The following GTF2IRD1 variants were observed in gnomAD, a reference collection of about 807,000 sequenced individuals.
GTF2IRD1 encodes GTF2I repeat domain containing 1.
A neutral mutation model predicts 113.2 loss-of-function variants in GTF2IRD1; 26 were observed. That is an observed-to-expected ratio of 0.23 (90% CI 0.17 to 0.32). GTF2IRD1 has a LOEUF of 0.32. Among genes scored for constraint, GTF2IRD1 ranks in the 10% least tolerant of loss-of-function variants. GTF2IRD1 has a pLI of 1.00. For missense variants in GTF2IRD1, 864 were observed against 1,280.8 expected (o/e 0.67, Z 4.97); for synonymous variants, 484 against 529.1 (o/e 0.91, Z 1.17).
intron 22 of GTF2IRD1, among the ~76,000 whole-genome samples, chr7:74,574,757 G>A (rs1800919317): frequency 1.3e-5 from 2 of 151,212 alleles, no homozygotes; most frequent in East Asian, 1.9e-4. Flanking sequence ...CACCGTGCCC[G>A]GCCTATGCTG....
At chr7:74,490,342 C>T (rs1795268352) in intron 1 of GTF2IRD1, among the ~76,000 whole-genome samples, 1 of 152,096 alleles carries the variant, frequency 6.6e-6, no homozygotes, top group Non-Finnish European at 1.5e-5. Context: ...CTCCCGCTGC[C>T]CAGCCCAGAG....
rs1554353080 is a variant in GTF2IRD1 at position 74,545,747 on chromosome 7, G to C, written c.1670G>C (p.Ser557Thr). The change falls in exon 16 of 27, where the codon AGC becomes ACC. Residue 557 changes from serine (S) to threonine (T), a missense_variant. This residue lies in a region of GTF2IRD1 where 218 missense variants were observed against 352.6 expected (regional missense o/e 0.62). Coordinates refer to ENST00000424337, the MANE Select transcript of GTF2IRD1 (RefSeq NM_005685.4). ...ARPEERPVED[S>T]HGDVIRPLRK... ...CAGACTGCCTTTTGCCTTCCAGACA[G>C]CCACGGTGACGTGATCCGGCCCCTG... 8 of 1,612,296 alleles carry C rather than the reference G, an allele frequency of 5.0e-6. No homozygotes were observed. In the South Asian group the frequency reaches 8.8e-5, roughly 18 times the overall value.
At chr7:74,530,889 C>T (rs1228241645) in intron 9 of GTF2IRD1, among the ~76,000 whole-genome samples, 1 of 152,010 alleles carries the variant, frequency 6.6e-6, no homozygotes, top group Admixed American at 6.6e-5. Context: ...GGCAACATGG[C>T]GAGACCCCAT....
At chr7:74,482,466 G>T (rs1794798996) in intron 1 of GTF2IRD1, among the ~76,000 whole-genome samples, 2 of 151,962 alleles carry the variant, frequency 1.3e-5, no homozygotes, top group Non-Finnish European at 2.9e-5. Context: ...GGGCTCAAGT[G>T]GTCCTCCTGC....
chr7:74,508,016 C>G (rs782568445), intron 1 of GTF2IRD1, 59 bp from the exon 2 acceptor site: 27 of 1,548,472 alleles, frequency 1.7e-5, no homozygotes, highest in Non-Finnish European at 2.3e-5. Context: ...TGGGCAGCCA[C>G]CATATGAGAC....
intron 16 of GTF2IRD1, among the ~76,000 whole-genome samples, chr7:74,546,222 T>TC (rs1406271281): frequency 1.4e-5 from 2 of 147,566 alleles, no homozygotes; most frequent in African/African-American, 2.5e-5. Context: ...GTTTTTCTTT[T>TC]TTTTTTTTTT....
At chr7:74,533,336 T>C (rs1798086789) in intron 9 of GTF2IRD1, among the ~76,000 whole-genome samples, 1 of 152,064 alleles carries the variant, frequency 6.6e-6, no homozygotes, top group Admixed American at 6.5e-5. Context: ...GGTTTCACCA[T>C]GTTGGCCAGG....
intron 15 of GTF2IRD1, 66 bp downstream of exon 15, chr7:74,544,868 C>A: frequency 2.3e-6 from 3 of 1,327,612 alleles, no homozygotes; most frequent in Non-Finnish European, 3.2e-6. Context: ...CCCTGCCGCC[C>A]ACCTCCCCTT....
intron 22 of GTF2IRD1, among the ~76,000 whole-genome samples, chr7:74,564,810 G>A (rs1168984654): frequency 2.6e-5 from 4 of 152,108 alleles, no homozygotes; most frequent in African/African-American, 7.2e-5. Flanking sequence ...AGGACATCAC[G>A]TTTGCCTTCA....
At position 74,589,861 on chromosome 7, in the gene GTF2IRD1, C is replaced by T. The variant is rs141472238; in HGVS notation, c.2331C>T (p.Asp777=). ...QGLIPKPDED[D]ANRLGEKVIL... ...GTCTTCCTCTTGTAGATGAAGATGACGCCAACAGACTCGGGGAGAAGGTGA... is the reference window on the plus strand; with the variant it reads ...GTCTTCCTCTTGTAGATGAAGATGATGCCAACAGACTCGGGGAGAAGGTGA... Residue 777 remains aspartate (D), a synonymous_variant, in exon 23 of 27, where the codon GAC becomes GAT. Transcript: ENST00000424337. The T allele has an allele frequency of 4.2e-5, 67 of 1,609,550 alleles. No homozygotes were observed. The highest frequency in any genetic ancestry group is 3.3e-4 in the Middle Eastern group (2 of 6,052).
rs782380222 is a variant in GTF2IRD1 at position 74,596,374 on chromosome 7, C to T, written c.2629+1323C>T. Among the ~76,000 whole-genome samples, 5 of 149,592 alleles carry T rather than the reference C, an allele frequency of 3.3e-5. No individual in the cohort carries two copies. The South Asian group carries it at 1.1e-3, about 32-fold the overall frequency. ...TACTTGGGGGCTGAGGTAGGAGGATCGCTTGAACCTAGGAGACAGAGGTTG... is the reference window on the plus strand; with the variant it reads ...TACTTGGGGGCTGAGGTAGGAGGATTGCTTGAACCTAGGAGACAGAGGTTG... On this transcript the variant is annotated intron_variant, in intron 25 of 26. Coordinates refer to ENST00000424337, the MANE Select transcript of GTF2IRD1 (RefSeq NM_005685.4).
rs1562865969 is a variant in GTF2IRD1 at position 74,555,463 on chromosome 7, G to C, written c.1992G>C (p.Val664=). The change falls in exon 19 of 27, where the codon GTG becomes GTC. Residue 664 remains valine (V), a synonymous_variant. Coordinates refer to ENST00000424337, the MANE Select transcript of GTF2IRD1 (RefSeq NM_005685.4). This position sits in a 1 kb window ranked among gnomAD's most constrained non-coding sequence, Gnocchi z 5.3. Reference sequence around the variant, plus strand: ...AGAGGGATTCCGGGGACCCTCTGGTGGACGAGAGCCTGAAGAGACAGGGCT... The same window carrying C: ...AGAGGGATTCCGGGGACCCTCTGGTCGACGAGAGCCTGAAGAGACAGGGCT... The part of the protein sequence containing the change: ...SQERDSGDPL[V]DESLKRQGFQ... The C allele has an allele frequency of 6.2e-7, 1 of 1,613,166 alleles. No homozygotes were observed. Among genetic ancestry groups the C allele is most frequent in the South Asian group, 1.1e-5 (1 of 91,060 alleles).
intron 1 of GTF2IRD1, among the ~76,000 whole-genome samples, chr7:74,475,014 C>G (rs1794320828): frequency 6.6e-6 from 1 of 152,010 alleles, no homozygotes. Context: ...CCCAGATACT[C>G]AGGAAGGATT....
chr7:74,591,341 G>T (rs1802048450), intron 24 of GTF2IRD1, among the ~76,000 whole-genome samples: 1 of 144,154 alleles, frequency 6.9e-6, no homozygotes, highest in Non-Finnish European at 1.5e-5. Flanking sequence ...ATATATTTTA[G>T]AATAATTATA....
intron 17 of GTF2IRD1, among the ~76,000 whole-genome samples, chr7:74,548,611 T>A (rs1799102727): frequency 6.6e-6 from 1 of 151,558 alleles, no homozygotes; most frequent in Admixed American, 6.6e-5. Context: ...CACTATAATT[T>A]TTTTTTTTAA....
chr7:74,488,248 C>T (rs1795133211), intron 1 of GTF2IRD1, among the ~76,000 whole-genome samples: 1 of 152,026 alleles, frequency 6.6e-6, no homozygotes. Context: ...ACACCCACTT[C>T]ACTCCAGCCT....
intron 1 of GTF2IRD1, among the ~76,000 whole-genome samples, chr7:74,504,796 C>T (rs1355403918): frequency 1.3e-5 from 2 of 151,050 alleles, no homozygotes; most frequent in Non-Finnish European, 2.9e-5. Context: ...CAACCTCCAC[C>T]GCCGGGGTTC....
At chr7:74,470,431 C>T (rs1169714022) in intron 1 of GTF2IRD1, among the ~76,000 whole-genome samples, 1 of 152,116 alleles carries the variant, frequency 6.6e-6, no homozygotes, top group Non-Finnish European at 1.5e-5. Context: ...TTCCCCAGCA[C>T]CCCCCACTCC....
intron 22 of GTF2IRD1, among the ~76,000 whole-genome samples, chr7:74,575,996 C>A (rs1801028644): frequency 6.6e-6 from 1 of 151,122 alleles, no homozygotes; most frequent in African/African-American, 2.4e-5. Context: ...AGCAAGACCC[C>A]ATCTCTAAAA....
Sources: gnomAD v4.1 joint callset for allele counts (sites outside exome capture counted in the v4.1 genomes callset) on GRCh38, gnomAD v4.1.1 for gene constraint, gnomAD v4.1.1 regional missense constraint, Gnocchi (gnomAD v3.1) non-coding constraint, MANE v1.5 for transcripts, NCBI Gene and HGNC (gene_info 2026-07-23, HGNC 2026-07-21) for gene names.